The following KAZN variants were observed in gnomAD, a reference collection of about 807,000 sequenced individuals.
The protein encoded by KAZN is kazrin.
In KAZN, 40 loss-of-function variants were observed where a neutral mutation model predicts 87.4. The observed-to-expected ratio is 0.46, with a 90% CI of 0.36 to 0.60. KAZN has a LOEUF of 0.60. KAZN is among the 20% of genes least tolerant of loss of function. KAZN has a pLI of 0.00. For missense variants in KAZN, 898 were observed against 1,073.9 expected (o/e 0.84, Z 2.29); for synonymous variants, 466 against 458.3 (o/e 1.02, Z -0.22).
At chr1:14,070,692 T>C (rs1643214575) in intron 1 of KAZN, among the ~76,000 whole-genome samples, 1 of 152,204 alleles carries the variant, frequency 6.6e-6, no homozygotes, top group Non-Finnish European at 1.5e-5. Flanking sequence ...CGTACACGTA[T>C]GGCTTTCAAG....
chr1:14,386,902 A>C (rs1257007530), intron 2 of KAZN, among the ~76,000 whole-genome samples: 1 of 152,216 alleles, frequency 6.6e-6, no homozygotes, highest in East Asian at 1.9e-4. Flanking sequence ...AATATCCTGC[A>C]GAGTGTTTTC....
At chr1:14,683,555 T>A (rs973155000) in intron 1 of KAZN, among the ~76,000 whole-genome samples, 1 of 152,226 alleles carries the variant, frequency 6.6e-6, no homozygotes, top group African/African-American at 2.4e-5. Context: ...ACACACTGAA[T>A]GCAGTCAATG....
chr1:15,020,852 C>T (rs1037888233), intron 2 of KAZN, among the ~76,000 whole-genome samples: 1 of 152,172 alleles, frequency 6.6e-6, no homozygotes, highest in African/African-American at 2.4e-5. Context: ...CCCCAGGTCC[C>T]CCCACATCAC....
At chr1:14,741,099 C>T (rs1183173365) in intron 1 of KAZN, among the ~76,000 whole-genome samples, 2 of 152,184 alleles carry the variant, frequency 1.3e-5, no homozygotes. Flanking sequence ...TGTGTGCTGA[C>T]CAAGCACTTG....
chr1:14,289,194 G>A (rs1261326024), intron 2 of KAZN, among the ~76,000 whole-genome samples: 1 of 152,086 alleles, frequency 6.6e-6, no homozygotes, highest in Non-Finnish European at 1.5e-5. Context: ...ATGTCTATTG[G>A]GTCTGCTTGG....
chr1:14,960,405 C>A (rs1235509401), intron 1 of KAZN, among the ~76,000 whole-genome samples: 1 of 152,222 alleles, frequency 6.6e-6, no homozygotes, highest in Non-Finnish European at 1.5e-5. Context: ...AGACCGTCGG[C>A]CACCAGAGCG....
At chr1:14,761,994 G>C (rs1175534987) in intron 1 of KAZN, among the ~76,000 whole-genome samples, 1 of 151,220 alleles carries the variant, frequency 6.6e-6, no homozygotes, top group Non-Finnish European at 1.5e-5. Flanking sequence ...TGATCCTGCA[G>C]CAAGGCAAAC....
chr1:15,053,417 C>T (rs1037535907), intron 4 of KAZN, among the ~76,000 whole-genome samples: 1 of 152,200 alleles, frequency 6.6e-6, no homozygotes, highest in Non-Finnish European at 1.5e-5. Flanking sequence ...GACAACAGAG[C>T]TGTTCCCTGG....
chr1:15,111,271 TTTGTTG>T (rs1283093849), intron 13 of KAZN, among the ~76,000 whole-genome samples: 1 of 147,480 alleles, frequency 6.8e-6, no homozygotes, highest in Non-Finnish European at 1.5e-5. Context: ...GTTGTTGTTG[TTTGTTG>T]TTGTTGTTGT....
intron 2 of KAZN, among the ~76,000 whole-genome samples, chr1:14,410,564 G>C (rs964914446): frequency 1.3e-5 from 2 of 152,172 alleles, no homozygotes; most frequent in African/African-American, 4.8e-5. Flanking sequence ...GTTAAATGTT[G>C]CCTGATAGGA....
chr1:15,055,057 T>C (rs898903480), intron 4 of KAZN, among the ~76,000 whole-genome samples: 1 of 152,268 alleles, frequency 6.6e-6, no homozygotes, highest in African/African-American at 2.4e-5. Context: ...CAAAACCTTG[T>C]GACAGGGAGA....
chr1:14,699,686 G>A (rs1641812557), intron 1 of KAZN, among the ~76,000 whole-genome samples: 1 of 152,176 alleles, frequency 6.6e-6, no homozygotes, highest in African/African-American at 2.4e-5. Context: ...CATTTGAGCC[G>A]AACCATGCAT....
At chr1:14,432,751 G>C (rs960253880) in intron 2 of KAZN, among the ~76,000 whole-genome samples, 2 of 151,924 alleles carry the variant, frequency 1.3e-5, no homozygotes, top group African/African-American at 4.8e-5. Context: ...AGAGGTCCCG[G>C]TGTGTGTTGT....
At chr1:14,816,494 C>T (rs758578356) in intron 1 of KAZN, among the ~76,000 whole-genome samples, 10 of 152,156 alleles carry the variant, frequency 6.6e-5, no homozygotes, top group Non-Finnish European at 1.2e-4. Flanking sequence ...AGAAGCTTCC[C>T]ATGGTTCTTT....
chr1:14,544,886 C>T (rs1281546722), intron 2 of KAZN, among the ~76,000 whole-genome samples: 1 of 152,032 alleles, frequency 6.6e-6, no homozygotes, highest in East Asian at 1.9e-4. Context: ...GCTTCTGATG[C>T]CCAGCCCAGC....
intron 2 of KAZN, among the ~76,000 whole-genome samples, chr1:14,576,331 TGGAC>T (rs1335700931): frequency 5.2e-4 from 71 of 135,462 alleles, no homozygotes; most frequent in East Asian, 2.7e-3. Context: ...GATGGATGGA[TGGAC>T]GGACAGATAA....
At chr1:14,304,122 C>T (rs1379755270) in intron 2 of KAZN, among the ~76,000 whole-genome samples, 2 of 152,178 alleles carry the variant, frequency 1.3e-5, no homozygotes, top group African/African-American at 4.8e-5. Context: ...CAAGGCTTCC[C>T]TTCCTCTGGG....
intron 1 of KAZN, among the ~76,000 whole-genome samples, chr1:13,921,299 A>T (rs949040044): frequency 6.6e-6 from 1 of 152,198 alleles, no homozygotes; most frequent in South Asian, 2.1e-4. Flanking sequence ...CTTTTTCTCT[A>T]AAGATCCTGA....
rs1166193869 is a variant in KAZN, at chr1:15,066,349, G to A, written c.1222+596G>A. 4 of 931,608 alleles carry A rather than the reference G, an allele frequency of 4.3e-6. No homozygotes were observed. Among genetic ancestry groups the A allele is most frequent in the Middle Eastern group, 1.1e-3 (2 of 1,862 alleles). 57.7% of individuals were successfully genotyped at this position (931,608 alleles called of 1,614,324 possible). A position where few individuals can be genotyped will look rare whatever the true frequency, so the allele number is the denominator to read the frequency against. Reference sequence around the variant, plus strand: ...TGATGTCCCCCCTCCCGCCCCCCTGGTGTGAACGTGTGGGACCAGACCCTG... The same window carrying A: ...TGATGTCCCCCCTCCCGCCCCCCTGATGTGAACGTGTGGGACCAGACCCTG... On this transcript the variant is annotated intron_variant, in intron 8 of 14. Transcript: ENST00000376030. This position sits in a 1 kb window ranked among gnomAD's most constrained non-coding sequence, Gnocchi z 4.3.
Sources: gnomAD v4.1 joint callset for allele counts (sites outside exome capture counted in the v4.1 genomes callset) on GRCh38, gnomAD v4.1.1 for gene constraint, Gnocchi (gnomAD v3.1) non-coding constraint, MANE v1.5 for transcripts, NCBI Gene and HGNC (gene_info 2026-07-23, HGNC 2026-07-21) for gene names.